SERF2: variants seen among roughly 807,000 people sequenced by gnomAD.
SERF2 encodes the protein small EDRK-rich factor 2.
A neutral mutation model predicts 10.7 loss-of-function variants in SERF2; 4 were observed. That is an observed-to-expected ratio of 0.37 (90% CI 0.18 to 0.86). The LOEUF is 0.86. SERF2 is among the 40% of genes least tolerant of loss of function. SERF2 has a pLI of 0.43. For synonymous variants in SERF2, 26 were observed against 26.0 expected (o/e 1.00, Z 0.01); for missense variants, 47 against 79.1 (o/e 0.59, Z 1.54).
intron 1 of SERF2, among the ~76,000 whole-genome samples, chr15:43,779,252 T>G (rs2086947495): frequency 6.6e-6 from 1 of 152,132 alleles, no homozygotes; most frequent in Non-Finnish European, 1.5e-5. Flanking sequence ...TCCATTTTTC[T>G]CAGTGAAGTA....
chr15:43,787,054 A>G (rs1407377866), intron 2 of SERF2, among the ~76,000 whole-genome samples: 1 of 144,502 alleles, frequency 6.9e-6, no homozygotes, highest in Non-Finnish European at 1.5e-5. Flanking sequence ...GCTGGAGTGC[A>G]GTGGCGCTCC....
Position 43,792,334 on chromosome 15 carries a change from C to A in SERF2, c.-43C>A, listed in dbSNP as rs1401357928. The A allele has an allele frequency of 6.6e-7, 1 of 1,518,782 alleles. No homozygotes were observed. The highest frequency in any genetic ancestry group is 9.1e-7 in the Non-Finnish European group (1 of 1,093,150). The allele number at this position is 1,518,782 out of a possible 1,614,324, so 94.1% of individuals were successfully genotyped here. ...GCGGGACCTGCAACGTCCGACAGAA[C>A]GAGGGGACGTAACGGAGGCAGGTTG... On this transcript the variant is annotated 5_prime_UTR_variant, in exon 1 of 3. Coordinates refer to ENST00000249786, the MANE Select transcript of SERF2 (RefSeq NM_001018108.4).
chr15:43,785,631 C>T (rs2087000313), intron 2 of SERF2: 1 of 151,814 alleles, frequency 6.6e-6, no homozygotes, highest in Non-Finnish European at 1.5e-5. Flanking sequence ...TATTTATAGT[C>T]CTGTGTCTCC....
At chr15:43,790,839 C>T (rs2087050368), upstream of SERF2, among the ~76,000 whole-genome samples, 1 of 151,720 alleles carries the variant, frequency 6.6e-6, no homozygotes, top group Admixed American at 6.6e-5. Context: ...TCTCGGCTCA[C>T]TGCAAGCTGC....
chr15:43,793,493 C>G, intron 2 of SERF2: 1 of 1,381,408 alleles, frequency 7.2e-7, no homozygotes, highest in South Asian at 1.5e-5. Context: ...GCCTGTGTCA[C>G]CAGACTTCTG....
chr15:43,782,482 A>G (rs2086972295), intron 1 of SERF2, among the ~76,000 whole-genome samples: 2 of 152,158 alleles, frequency 1.3e-5, no homozygotes, highest in South Asian at 4.1e-4. Context: ...TTCTAGGAGT[A>G]TAACTCTCCT....
upstream of SERF2, among the ~76,000 whole-genome samples, chr15:43,790,169 C>A (rs1399850214): frequency 1.3e-5 from 2 of 149,762 alleles, no homozygotes. Flanking sequence ...ATTATCCGGG[C>A]GTGGTGGCGG....
chr15:43,796,047 G>A lies in SERF2; in HGVS notation c.*2274G>A. On this transcript the variant is annotated 3_prime_UTR_variant, in exon 3 of 3. Transcript: ENST00000249786. The stretch of plus-strand genomic sequence containing the variant: ...GCACATTGTGGGTACTCAATAAAAG[G>A]TAACAGCAGCTATAATCTGAGCATT... 2 of 825,748 alleles carry A rather than the reference G, an allele frequency of 2.4e-6. No homozygotes were observed. Among genetic ancestry groups the A allele is most frequent in the Middle Eastern group, 6.1e-4 (2 of 3,274 alleles). 51.2% of individuals were successfully genotyped at this position (825,748 alleles called of 1,614,324 possible).
At chr15:43,786,304 A>G (rs553719504) in intron 2 of SERF2, among the ~76,000 whole-genome samples, 3 of 150,838 alleles carry the variant, frequency 2.0e-5, no homozygotes, top group African/African-American at 7.3e-5. Context: ...AGTCCCAGCT[A>G]CTTGGGAGGC....
chr15:43,795,132 G>A lies in SERF2; in HGVS notation c.*1359G>A, dbSNP rs772256664. ...ACAGCCCCAGATAGAGGAGTACGCA[G>A]GCCCAGCATGAGGCAACCTTGACCC... is the stretch of plus-strand genomic sequence containing the variant. On this transcript the variant is annotated 3_prime_UTR_variant, in exon 3 of 3. Transcript: ENST00000249786. 1.1e-5 allele frequency: 17 copies of A among 1,614,116 alleles called. No homozygotes were observed. The highest frequency in any genetic ancestry group is 1.4e-5 in the Non-Finnish European group (17 of 1,180,022).
At chr15:43,793,363 G>T (rs1185397432) in intron 2 of SERF2, 3 of 586,464 alleles carry the variant, frequency 5.1e-6, no homozygotes, top group Non-Finnish European at 9.0e-6. Context: ...TTCAAATACA[G>T]TTGTGGTTAC....
chr15:43,793,134 A>G, intron 2 of SERF2, 51 bp downstream of exon 2: 2 of 1,208,002 alleles, frequency 1.7e-6, no homozygotes, highest in South Asian at 1.2e-5. Context: ...GGGTTAGACC[A>G]AGGGTTATAG....
At position 43,794,912 on chromosome 15, in the gene SERF2, C is replaced by T. The variant is rs554027040; in HGVS notation, c.*1139C>T. 1.8e-5 allele frequency: 18 copies of T among 990,354 alleles called. No individual in the cohort carries two copies. In the African/African-American group the frequency reaches 2.7e-4, roughly 15 times the overall value. The allele number at this position is 990,354 out of a possible 1,614,324, so 61.3% of individuals were successfully genotyped here. On this transcript the variant is annotated 3_prime_UTR_variant, in exon 3 of 3. Transcript: ENST00000249786. ...CAAACGGAGATAACTCCCTGTGTGT[C>T]CTTGAGGTATTGAGCTGGGCTGGAC...
chr15:43,795,562 C>T lies in SERF2; in HGVS notation c.*1789C>T. 2 of 1,613,948 alleles carry T rather than the reference C, an allele frequency of 1.2e-6. No individual in the cohort carries two copies. The highest frequency in any genetic ancestry group is 2.2e-5 in the East Asian group (1 of 44,880). ...TTGCCCTGGAGAGAGGAAATGGCTG[C>T]TGGGAGCAGAGCTGCTGAAACACCT... On this transcript the variant is annotated 3_prime_UTR_variant, in exon 3 of 3. Transcript: ENST00000249786.
chr15:43,792,193 C>A (rs985861588), upstream of SERF2: 5 of 631,784 alleles, frequency 7.9e-6, no homozygotes, highest in African/African-American at 9.1e-5. Flanking sequence ...CACTTACCCA[C>A]CCCGGCTCAA....
At position 43,795,498 on chromosome 15, in the gene SERF2, AGG is replaced by A; in HGVS notation, c.*1728_*1729del. 1.2e-6 allele frequency: 2 copies of A among 1,614,176 alleles called. No homozygotes were observed. The highest frequency in any genetic ancestry group is 1.7e-6 in the Non-Finnish European group (2 of 1,180,026). ...GCTGGACTTGGACTGGAGGAGCTGG[AGG>A]GGTTTCTTGGTCAGCTGGCCTCGCA... On this transcript the variant is annotated 3_prime_UTR_variant, in exon 3 of 3. Transcript: ENST00000249786.
Position 43,795,683 on chromosome 15 carries a change from C to T in SERF2, c.*1910C>T, listed in dbSNP as rs1273259191. On this transcript the variant is annotated 3_prime_UTR_variant, in exon 3 of 3. Coordinates refer to ENST00000249786, the MANE Select transcript of SERF2 (RefSeq NM_001018108.4). The stretch of plus-strand genomic sequence containing the variant: ...ACTTCTTATGGTTCCTCACTTGGCA[C>T]TCACCTTTGTCTGCCTCCACTGTTT... 2 of 1,613,880 alleles carry T rather than the reference C, an allele frequency of 1.2e-6. No individual in the cohort carries two copies. Among genetic ancestry groups the T allele is most frequent in the Non-Finnish European group, 1.7e-6 (2 of 1,179,830 alleles).
intron 2 of SERF2, 154 bp from the exon 3 acceptor site, chr15:43,793,556 T>A: frequency 6.6e-7 from 1 of 1,513,430 alleles, no homozygotes; most frequent in African/African-American, 1.4e-5. Flanking sequence ...GCCTCAGCTC[T>A]CTTCCTCTTG....
chr15:43,792,656 C>G, intron 1 of SERF2: 4 of 1,360,344 alleles, frequency 2.9e-6, no homozygotes, highest in Non-Finnish European at 3.9e-6. Flanking sequence ...AGAGCCCCCA[C>G]TCCACAAGCC....
Sources: gnomAD v4.1 joint callset for allele counts (sites outside exome capture counted in the v4.1 genomes callset) on GRCh38, gnomAD v4.1.1 for gene constraint, MANE v1.5 for transcripts, NCBI Gene and HGNC (gene_info 2026-07-23, HGNC 2026-07-21) for gene names.